AGBL1: variants seen among roughly 807,000 people sequenced by gnomAD.
AGBL1 encodes the protein cytosolic carboxypeptidase 4.
A neutral mutation model predicts 118.9 loss-of-function variants in AGBL1; 130 were observed. The observed-to-expected ratio is 1.09, with a 90% CI of 0.95 to 1.26. AGBL1 has a LOEUF of 1.26. Among genes scored for constraint, AGBL1 ranks in the 50% most tolerant of loss-of-function variants. AGBL1 has a pLI of 0.00. For missense variants in AGBL1, 1,584 were observed against 1,298.1 expected (o/e 1.22, Z -3.38); for synonymous variants, 555 against 478.9 (o/e 1.16, Z -2.08).
intron 17 of AGBL1, among the ~76,000 whole-genome samples, chr15:86,350,733 T>G (rs1002948547): frequency 1.3e-5 from 2 of 152,166 alleles, no homozygotes; most frequent in Non-Finnish European, 2.9e-5. Flanking sequence ...AGAATGACAA[T>G]GCTAAAGGTC....
At chr15:86,340,321 A>T (rs1282900589) in intron 17 of AGBL1, among the ~76,000 whole-genome samples, 1 of 150,262 alleles carries the variant, frequency 6.7e-6, no homozygotes, top group Non-Finnish European at 1.5e-5. Context: ...GTCTATTCAG[A>T]AGCTCAGAAT....
At chr15:86,402,466 G>T (rs1301964978) in intron 18 of AGBL1, among the ~76,000 whole-genome samples, 2 of 152,056 alleles carry the variant, frequency 1.3e-5, no homozygotes, top group Non-Finnish European at 2.9e-5. Context: ...GATTGCTGTG[G>T]CTAGGACTTC....
At chr15:86,105,237 C>T (rs1263261218) in intron 1 of AGBL1, 1 of 152,190 alleles carries the variant, frequency 6.6e-6, no homozygotes, top group Non-Finnish European at 1.5e-5. Context: ...ACAGATATTT[C>T]ATGCCAGTCT....
At chr15:86,651,995 A>G (rs1232018840) in intron 21 of AGBL1, among the ~76,000 whole-genome samples, 1 of 152,072 alleles carries the variant, frequency 6.6e-6, no homozygotes, top group African/African-American at 2.4e-5. Flanking sequence ...TCTACAGTCC[A>G]ACTGGACTCT....
In AGBL1 at chr15:86,264,264, C is replaced by T; in HGVS notation, c.1093C>T (p.Gln365Ter). The change falls in exon 11 of 23, where the codon CAG (glutamine) becomes TAG (stop). Residue 365 changes from glutamine (Q) to a stop codon, truncating the protein, a stop_gained. Coordinates refer to ENST00000614907, the MANE Select transcript of AGBL1 (RefSeq NM_001386094.1). LOFTEE classifies it high-confidence loss of function. ...LELSYSFEEL[Q>*]SKLGDDLNSE... ...TTCCATTTTGAACCTGAAGGAACTG[C>T]AGTCCAAACTTGGAGATGATTTGAA... The T allele has an allele frequency of 6.3e-7, 1 of 1,589,962 alleles. No individual in the cohort carries two copies.
At chr15:86,749,068 G>A (rs1165878853) in intron 22 of AGBL1, among the ~76,000 whole-genome samples, 2 of 152,124 alleles carry the variant, frequency 1.3e-5, no homozygotes, top group East Asian at 3.9e-4. Context: ...TAGCTTGATG[G>A]GGATGGGATT....
chr15:86,098,799 CT>C (rs199743560), intron 1 of AGBL1, among the ~76,000 whole-genome samples: 2,274 of 151,508 alleles, frequency 0.015, 33 homozygotes, highest in South Asian at 0.075. Flanking sequence ...TCTTCAAGCT[CT>C]TTTTTTTGGT....
At chr15:86,767,503 G>C (rs575439966) in intron 22 of AGBL1, among the ~76,000 whole-genome samples, 3 of 151,912 alleles carry the variant, frequency 2.0e-5, no homozygotes, top group African/African-American at 7.2e-5. Flanking sequence ...GATGGATTTA[G>C]TTTCAGGAGG....
chr15:86,964,525 G>A (rs1028020431), intron 23 of AGBL1, among the ~76,000 whole-genome samples: 1 of 151,914 alleles, frequency 6.6e-6, no homozygotes, highest in African/African-American at 2.4e-5. Context: ...CTTAAAGTGA[G>A]CATGTTACAG....
chr15:86,410,389 A>C (rs539246187), intron 18 of AGBL1, among the ~76,000 whole-genome samples: 1 of 152,230 alleles, frequency 6.6e-6, no homozygotes, highest in East Asian at 1.9e-4. Context: ...GTGGTGATGT[A>C]GTATAAAAAA....
At chr15:86,335,550 C>A (rs2080353796) in intron 17 of AGBL1, among the ~76,000 whole-genome samples, 1 of 152,056 alleles carries the variant, frequency 6.6e-6, no homozygotes. Context: ...GATATAAATC[C>A]TTAAGTTGAG....
rs148339210 is a variant in AGBL1, at chr15:86,780,251, G to A, written c.3158+105815G>A. ...AAAGGCCACCTTTGCCTTCACTGCCGTGTCAGTTTTGTCATAAATCAGATG... is the reference window on the plus strand; with the variant it reads ...AAAGGCCACCTTTGCCTTCACTGCCATGTCAGTTTTGTCATAAATCAGATG... On this transcript the variant is annotated intron_variant, in intron 22 of 22. Transcript: ENST00000614907. Among the ~76,000 whole-genome samples, 653 of 152,254 alleles carry A rather than the reference G, an allele frequency of 4.3e-3. 4 individuals carry two copies. Among genetic ancestry groups the A allele is most frequent in the African/African-American group, 0.015 (628 of 41,548 alleles).
At chr15:86,358,726 A>G (rs1428691885) in intron 17 of AGBL1, among the ~76,000 whole-genome samples, 2 of 152,026 alleles carry the variant, frequency 1.3e-5, no homozygotes, top group Admixed American at 6.6e-5. Context: ...AATAGGTATG[A>G]CGTTATATCT....
Position 86,236,928 on chromosome 15 carries a change from TGGGCGGGGGG to T in AGBL1, c.527-10721_527-10712del, listed in dbSNP as rs1264329859. Among the ~76,000 whole-genome samples the T allele has an allele frequency of 1.6e-3, 2 of 1,268 alleles. 1 individual carries two copies. Among genetic ancestry groups the T allele is most frequent in the Non-Finnish European group, 3.3e-3 (2 of 604 alleles). The allele number at this position is 1,268 out of a possible 152,430, so 0.8% of individuals were successfully genotyped here. A position where few individuals can be genotyped will look rare whatever the true frequency, so the allele number is the denominator to read the frequency against. Reference sequence around the variant, plus strand: ...GATGTTCCACACACACGGGGATATGTGGGCGGGGGGGGGCGGGGGGGGGCGGGGGGGCGCC... The same window carrying T: ...GATGTTCCACACACACGGGGATATGTGGGCGGGGGGGGGCGGGGGGGCGCC... On this transcript the variant is annotated intron_variant, in intron 6 of 22. Coordinates refer to ENST00000614907, the MANE Select transcript of AGBL1 (RefSeq NM_001386094.1).
chr15:86,322,280 G>A (rs973330080), intron 17 of AGBL1, among the ~76,000 whole-genome samples: 1 of 151,646 alleles, frequency 6.6e-6, no homozygotes, highest in Admixed American at 6.6e-5. Context: ...CAAGAGATTT[G>A]ATATTTTTTT....
chr15:86,814,974 G>T (rs533452624), intron 22 of AGBL1, among the ~76,000 whole-genome samples: 1 of 152,004 alleles, frequency 6.6e-6, no homozygotes, highest in Non-Finnish European at 1.5e-5. Context: ...CTCTCCTTTA[G>T]TTTCTTGTGT....
chr15:86,916,780 A>G (rs1212828257), downstream of AGBL1, among the ~76,000 whole-genome samples: 1 of 152,148 alleles, frequency 6.6e-6, no homozygotes, highest in Non-Finnish European at 1.5e-5. Flanking sequence ...AGAGAACACC[A>G]GCAGGCCCGG....
chr15:86,498,898 C>T (rs1240350975), intron 18 of AGBL1, among the ~76,000 whole-genome samples: 1 of 151,882 alleles, frequency 6.6e-6, no homozygotes. Flanking sequence ...CCGTATTACT[C>T]TTCTCCTAAG....
intron 17 of AGBL1, among the ~76,000 whole-genome samples, chr15:86,320,742 T>TGTGTGC (rs1448029494): frequency 9.9e-5 from 15 of 152,002 alleles, no homozygotes; most frequent in African/African-American, 2.4e-5. Flanking sequence ...TGTGTGTGTG[T>TGTGTGC]GTATTCATTT....
Sources: allele counts gnomAD v4.1 joint callset (sites outside exome capture counted in the v4.1 genomes callset), GRCh38; gene constraint gnomAD v4.1.1; transcripts MANE v1.5; gene names NCBI Gene and HGNC (gene_info 2026-07-23, HGNC 2026-07-21).